TOR3A: variants seen among roughly 807,000 people sequenced by gnomAD.
The protein encoded by TOR3A is torsin family 3 member A.
In TOR3A, 44 loss-of-function variants were observed where a neutral mutation model predicts 42.1. The ratio of observed to expected loss-of-function variants is 1.04; its 90% confidence interval spans 0.82 to 1.34. The LOEUF (loss-of-function observed/expected upper bound fraction) is 1.34. TOR3A is among the 40% of genes most tolerant of loss of function. The pLI is 0.00. For missense variants in TOR3A, 521 were observed against 507.6 expected, an observed-to-expected ratio of 1.03 and a Z score of -0.25; for synonymous variants, 227 against 213.2, an observed-to-expected ratio of 1.06 and a Z score of -0.57.
In TOR3A at chr1:179,095,479, T is replaced by G. The variant is rs917885761; in HGVS notation, c.*261T>G. 9 of 1,343,202 alleles carry G rather than the reference T, an allele frequency of 6.7e-6. No individual in the cohort carries two copies. In the East Asian group the frequency reaches 2.4e-4, roughly 36 times the overall value. 83.2% of individuals were successfully genotyped at this position (1,343,202 alleles called of 1,614,324 possible). On this transcript the variant is annotated 3_prime_UTR_variant, in exon 6 of 6. Transcript: ENST00000367627. Reference sequence around the variant, plus strand: ...TCAAAAACAGAGCCCATTCTTAAGATCACTTGGTGCCTTAAAGACACGCAT... The same window carrying G: ...TCAAAAACAGAGCCCATTCTTAAGAGCACTTGGTGCCTTAAAGACACGCAT...
chr1:179,093,981 C>T (rs1388014713), intron 4 of TOR3A, 112 bp from the exon 5 acceptor site: 19 of 1,350,580 alleles, frequency 1.4e-5, no homozygotes, highest in Middle Eastern at 4.3e-4. Flanking sequence ...AGAAGGTCCA[C>T]GCCCCTCAGC....
Position 179,087,974 on chromosome 1 carries a change from G to A in TOR3A, c.703G>A (p.Asp235Asn), listed in dbSNP as rs765090844. The A allele has an allele frequency of 4.3e-6, 7 of 1,612,796 alleles. No individual in the cohort carries two copies. The Admixed American group carries it at 5.0e-5, about 12-fold the overall frequency. Reference protein sequence around the residue: ...QLCHQTLFIFDEAEKLHPGLL... With the variant: ...QLCHQTLFIFNEAEKLHPGLL... The stretch of plus-strand genomic sequence containing the variant: ...CTGCCACCAGACCCTGTTCATCTTC[G>A]ATGAAGCGGAGAAGCTGCACCCAGG... The change falls in exon 4 of 6, where the codon GAT becomes AAT. Residue 235 changes from aspartate (D) to asparagine (N), a missense_variant. Physicochemically the swap from Asp to Asn is conservative, Grantham distance 23. Transcript: ENST00000367627.
rs757134981 is a variant in TOR3A, at chr1:179,088,077, T to C, written c.806T>C (p.Phe269Ser). The change falls in exon 4 of 6, where the codon TTT becomes TCT. Residue 269 changes from phenylalanine to serine, a missense_variant. Physicochemically the swap from Phe to Ser is radical, Grantham distance 155. Transcript: ENST00000367627. ...GHRAESPWTIFLFLSNLRGDI... is the reference protein window; with the variant it reads ...GHRAESPWTISLFLSNLRGDI... ...AGGGCTGAGTCTCCATGGACTATCT[T>C]TCTGTTTCTCAGGTGGGTTCTGGGG... 1.9e-6 allele frequency: 3 copies of C among 1,591,120 alleles called. 1 individual carries two copies. In the South Asian group the frequency reaches 3.4e-5, roughly 18 times the overall value.
intron 1 of TOR3A, chr1:179,082,738 T>G: frequency 1.4e-6 from 1 of 703,928 alleles, no homozygotes; most frequent in South Asian, 1.5e-5. Context: ...ACGTCCGCTG[T>G]GGACATGCCT....
intron 4 of TOR3A, among the ~76,000 whole-genome samples, chr1:179,091,213 C>T (rs563116559): frequency 6.6e-6 from 1 of 152,302 alleles, no homozygotes; most frequent in South Asian, 2.1e-4. Flanking sequence ...GAGATCAGCC[C>T]TGGCAGGGGC....
intron 5 of TOR3A, among the ~76,000 whole-genome samples, chr1:179,094,471 G>A (rs894685900): frequency 6.6e-6 from 1 of 152,196 alleles, no homozygotes; most frequent in African/African-American, 2.4e-5. Context: ...TGAAGCCTGA[G>A]ACTCTGAGTC....
intron 2 of TOR3A, 149 bp from the exon 3 acceptor site, chr1:179,085,479 C>T: frequency 1.1e-6 from 1 of 947,778 alleles, no homozygotes; most frequent in South Asian, 1.6e-5. Context: ...AAAGTCTGCC[C>T]TCTGGCTTCT....
In TOR3A at chr1:179,095,135, G is replaced by A; in HGVS notation, c.1111G>A (p.Val371Met). 6.2e-7 allele frequency: 1 copy of A among 1,614,182 alleles called. No individual in the cohort carries two copies. The highest frequency in any genetic ancestry group is 8.5e-7 in the Non-Finnish European group (1 of 1,180,034). Residue 371 changes from valine to methionine, a missense_variant, in exon 6 of 6, where the codon GTG (valine) becomes ATG (methionine). Coordinates refer to ENST00000367627, the MANE Select transcript of TOR3A (RefSeq NM_022371.4). The stretch of plus-strand genomic sequence containing the variant: ...ACTGGATGAAATAGCCCAGATGATG[G>A]TGTATGTCCCCAAGGAGGAACAACT... ...ETLDEIAQMMVYVPKEEQLFS... is the reference protein window; with the variant it reads ...ETLDEIAQMMMYVPKEEQLFS...
chr1:179,095,350 AC>A lies in TOR3A; in HGVS notation c.*133del. On this transcript the variant is annotated 3_prime_UTR_variant, in exon 6 of 6. Transcript: ENST00000367627. ...GCATCCAGCAGCCACTAACAAACACACAACTGGTGTGTAAAAGGCAGGCCTT... is the reference window on the plus strand; with the variant it reads ...GCATCCAGCAGCCACTAACAAACACAAACTGGTGTGTAAAAGGCAGGCCTT... 1 of 1,516,454 alleles carries A rather than the reference AC, an allele frequency of 6.6e-7. No homozygotes were observed. Among genetic ancestry groups the A allele is most frequent in the Non-Finnish European group, 8.8e-7 (1 of 1,141,028 alleles). 93.9% of individuals were successfully genotyped at this position (1,516,454 alleles called of 1,614,324 possible).
chr1:179,083,543 C>T (rs1018895643), intron 2 of TOR3A, among the ~76,000 whole-genome samples: 3 of 143,668 alleles, frequency 2.1e-5, no homozygotes, highest in Admixed American at 1.5e-4. Flanking sequence ...CAGGTGCCTG[C>T]CACCACGTCC....
chr1:179,088,170 A>G (rs1572574886), intron 4 of TOR3A, 81 bp downstream of exon 4: 1 of 1,417,490 alleles, frequency 7.1e-7, no homozygotes, highest in African/African-American at 1.4e-5. Flanking sequence ...ACACGCCCCC[A>G]GGTTCAGAAC....
At chr1:179,090,297 C>T (rs1016223415) in intron 4 of TOR3A, among the ~76,000 whole-genome samples, 3 of 152,214 alleles carry the variant, frequency 2.0e-5, no homozygotes, top group African/African-American at 7.2e-5. Flanking sequence ...CCCCTCCAGC[C>T]GAGGGCTGGG....
chr1:179,085,253 G>A (rs1458111319), intron 2 of TOR3A: 6 of 191,850 alleles, frequency 3.1e-5, no homozygotes, highest in East Asian at 1.2e-4. Context: ...GGTGAAACCC[G>A]TCTCTACTAA....
intron 3 of TOR3A, among the ~76,000 whole-genome samples, chr1:179,086,644 C>G (rs1035145903): frequency 1.5e-5 from 2 of 134,764 alleles, no homozygotes; most frequent in Admixed American, 8.2e-5. Flanking sequence ...CCAGCCTGGG[C>G]AACAGAGCAA....
intron 4 of TOR3A, among the ~76,000 whole-genome samples, chr1:179,092,844 G>GA (rs370033439): frequency 0.12 from 17,834 of 146,632 alleles, 1,136 homozygotes; most frequent in African/African-American, 0.17. Context: ...TCTGTCTCAA[G>GA]AAAAAAAAAA....
chr1:179,094,040 T>C, intron 4 of TOR3A, 53 bp from the exon 5 acceptor site: 2 of 1,592,616 alleles, frequency 1.3e-6, no homozygotes, highest in Non-Finnish European at 1.7e-6. Flanking sequence ...TGAGATAACA[T>C]ATATGGAAGC....
intron 4 of TOR3A, among the ~76,000 whole-genome samples, chr1:179,090,811 G>T (rs374058890): frequency 6.6e-6 from 1 of 152,232 alleles, no homozygotes; most frequent in African/African-American, 2.4e-5. Flanking sequence ...GGAACTCTGC[G>T]ATCGGAGCTG....
intron 4 of TOR3A, chr1:179,091,635 T>C (rs554157388): frequency 2.6e-5 from 4 of 152,438 alleles, no homozygotes; most frequent in South Asian, 2.1e-4. Context: ...TCCTGCCCTA[T>C]GTGATGGGAC....
At chr1:179,082,617 T>C (rs1156238809) in intron 1 of TOR3A, 4 of 696,038 alleles carry the variant, frequency 5.7e-6, no homozygotes, top group Non-Finnish European at 1.0e-5. Context: ...CGGCTTCCCG[T>C]CCCCCGCCTC....
Sources: allele counts gnomAD v4.1 joint callset (sites outside exome capture counted in the v4.1 genomes callset), GRCh38; gene constraint gnomAD v4.1.1; transcripts MANE v1.5; gene names NCBI Gene and HGNC (gene_info 2026-07-23, HGNC 2026-07-21).